Variants in RAB28 observed in about 807,000 individuals in gnomAD.
RAB28 encodes RAB28, member RAS oncogene family.
Under a neutral mutation model 31.7 loss-of-function variants are expected in RAB28, and 24 were observed. The observed-to-expected ratio is 0.76, with a 90% CI of 0.55 to 1.06. The LOEUF is 1.06. Ranked by LOEUF, RAB28 falls within the 50% of genes least tolerant of loss-of-function variation. RAB28 has a pLI of 0.00. For missense variants in RAB28, 254 were observed against 258.5 expected (o/e 0.98, Z 0.12); for synonymous variants, 100 against 90.4 (o/e 1.11, Z -0.60).
intron 4 of RAB28, among the ~76,000 whole-genome samples, chr4:13,436,251 C>A (rs534932731): frequency 6.6e-6 from 1 of 152,178 alleles, no homozygotes; most frequent in African/African-American, 2.4e-5. Flanking sequence ...GCCAACATCA[C>A]ACTAAACAGG....
intron 4 of RAB28, among the ~76,000 whole-genome samples, chr4:13,397,576 A>G (rs139323466): frequency 6.6e-6 from 1 of 152,134 alleles, no homozygotes; most frequent in Admixed American, 6.5e-5. Flanking sequence ...ACAATATGAC[A>G]TTCTTCTCTT....
intron 4 of RAB28, among the ~76,000 whole-genome samples, chr4:13,413,426 G>C (rs1577188555): frequency 6.6e-6 from 1 of 152,156 alleles, no homozygotes; most frequent in African/African-American, 2.4e-5. Flanking sequence ...TTAAAACCAA[G>C]AATATTTCTG....
intron 4 of RAB28, among the ~76,000 whole-genome samples, chr4:13,419,221 G>A (rs530498559): frequency 2.0e-5 from 3 of 152,146 alleles, no homozygotes; most frequent in African/African-American, 4.8e-5. Context: ...ATACATGCAC[G>A]CAATACAGGA....
intron 1 of RAB28, 121 bp from the exon 2 acceptor site, chr4:13,479,647 A>G: frequency 1.5e-6 from 1 of 683,696 alleles, no homozygotes; most frequent in East Asian, 2.8e-5. Flanking sequence ...AGCAAATTTA[A>G]GCAGTTCTAA....
rs368248689 is a variant in RAB28, at chr4:13,445,829, G to A, written c.391+14870C>T. ...AGGTCTCTCCCAGTCAGGAGGCACA[G>A]GGTCAGGGACCTGCTTGAGGGAGCA... On this transcript the variant is annotated intron_variant, in intron 4 of 6. Coordinates refer to ENST00000330852, the MANE Select transcript of RAB28 (RefSeq NM_001017979.3). Among the ~76,000 whole-genome samples, 145 of 152,368 alleles carry A rather than the reference G, an allele frequency of 9.5e-4. 1 individual carries two copies. Among genetic ancestry groups the A allele is most frequent in the African/African-American group, 3.3e-3 (139 of 41,594 alleles).
In RAB28 at chr4:13,484,159, G is replaced by A. The variant is rs372923657; in HGVS notation, c.-9C>T. 9.3e-5 allele frequency: 146 copies of A among 1,575,772 alleles called. No individual in the cohort carries two copies. Among genetic ancestry groups the A allele is most frequent in the Admixed American group, 5.6e-4 (31 of 55,328 alleles). On this transcript the variant is annotated 5_prime_UTR_variant, in exon 1 of 7. Transcript: ENST00000330852. ...TCCTCAGAGTCCGACATGGTGTCCCGGGAACCAGGCCCGCCCCTCGAGGTG... is the reference window on the plus strand; with the variant it reads ...TCCTCAGAGTCCGACATGGTGTCCCAGGAACCAGGCCCGCCCCTCGAGGTG...
At chr4:13,413,252 A>T (rs372287243) in intron 4 of RAB28, among the ~76,000 whole-genome samples, 15 of 152,204 alleles carry the variant, frequency 9.9e-5, no homozygotes, top group African/African-American at 3.4e-4. Flanking sequence ...AATCTTTGGG[A>T]CATACTGACA....
chr4:13,417,459 T>C (rs1331040040), intron 4 of RAB28, among the ~76,000 whole-genome samples: 1 of 152,196 alleles, frequency 6.6e-6, no homozygotes, highest in East Asian at 1.9e-4. Flanking sequence ...CTGACCCCTA[T>C]GTAGCCTAAC....
At chr4:13,372,901 G>C (rs1176172856) in intron 6 of RAB28, among the ~76,000 whole-genome samples, 1 of 152,052 alleles carries the variant, frequency 6.6e-6, no homozygotes, top group Non-Finnish European at 1.5e-5. Context: ...TTCAGATACA[G>C]TCTGAAAATA....
chr4:13,472,888 T>G (rs1018476347), intron 3 of RAB28, among the ~76,000 whole-genome samples: 4 of 151,944 alleles, frequency 2.6e-5, no homozygotes, highest in Admixed American at 6.6e-5. Context: ...ATGTACTTTT[T>G]AAGAGAAAAA....
At chr4:13,435,133 T>TA (rs1484459057) in intron 4 of RAB28, among the ~76,000 whole-genome samples, 10 of 145,936 alleles carry the variant, frequency 6.9e-5, no homozygotes, top group Non-Finnish European at 1.5e-5. Context: ...GACTTTTGGG[T>TA]AAAAAACAAA....
chr4:13,399,524 G>A (rs746127691), intron 4 of RAB28, among the ~76,000 whole-genome samples: 13 of 152,146 alleles, frequency 8.5e-5, no homozygotes, highest in Non-Finnish European at 1.8e-4. Context: ...TGTTTTCAAA[G>A]TAGCTGTACC....
chr4:13,399,198 T>G (rs1711608220), intron 4 of RAB28, among the ~76,000 whole-genome samples: 1 of 152,214 alleles, frequency 6.6e-6, no homozygotes, highest in South Asian at 2.1e-4. Flanking sequence ...CACTGCTTTC[T>G]CTTCATATGT....
At chr4:13,426,600 G>A (rs1014992864) in intron 4 of RAB28, among the ~76,000 whole-genome samples, 1 of 151,832 alleles carries the variant, frequency 6.6e-6, no homozygotes, top group Non-Finnish European at 1.5e-5. Context: ...TATTTTTATG[G>A]CTATACCTTG....
intron 4 of RAB28, among the ~76,000 whole-genome samples, chr4:13,390,315 A>G (rs1560273075): frequency 6.6e-6 from 1 of 152,110 alleles, no homozygotes. Context: ...CAATTACTAC[A>G]AAGAGAATAA....
At chr4:13,449,198 T>G (rs538906034) in intron 4 of RAB28, among the ~76,000 whole-genome samples, 1 of 152,080 alleles carries the variant, frequency 6.6e-6, no homozygotes, top group East Asian at 1.9e-4. Flanking sequence ...GGTGATAAAT[T>G]TTATACAAGT....
At chr4:13,468,111 G>T (rs1309931920) in intron 3 of RAB28, among the ~76,000 whole-genome samples, 1 of 151,912 alleles carries the variant, frequency 6.6e-6, no homozygotes, top group African/African-American at 2.4e-5. Context: ...CAAAATATAT[G>T]AGGCCAAAAC....
chr4:13,453,695 CCA>C (rs966435242), intron 4 of RAB28, among the ~76,000 whole-genome samples: 7 of 151,974 alleles, frequency 4.6e-5, no homozygotes, highest in African/African-American at 1.2e-4. Context: ...GCTGAAAAAT[CCA>C]CAGTTAGTCC....
chr4:13,399,495 A>C (rs76069328), intron 4 of RAB28, among the ~76,000 whole-genome samples: 1 of 152,200 alleles, frequency 6.6e-6, no homozygotes, highest in Admixed American at 6.5e-5. Flanking sequence ...TGAATGTTCA[A>C]CTTTGCAGAA....
Sources: gnomAD v4.1 joint callset for allele counts (sites outside exome capture counted in the v4.1 genomes callset) on GRCh38, gnomAD v4.1.1 for gene constraint, MANE v1.5 for transcripts, NCBI Gene and HGNC (gene_info 2026-07-23, HGNC 2026-07-21) for gene names.